PDE3A: variants seen among roughly 807,000 people sequenced by gnomAD.
The protein encoded by PDE3A is phosphodiesterase 3A.
In PDE3A, 43 loss-of-function variants were observed where a neutral mutation model predicts 98.3. The observed-to-expected ratio is 0.44, with a 90% CI of 0.34 to 0.56. The LOEUF is 0.56. Among genes scored for constraint, PDE3A ranks in the 20% least tolerant of loss-of-function variants. PDE3A has a pLI of 0.01. For missense variants in PDE3A, 1,427 were observed against 1,440.7 expected, an observed-to-expected ratio of 0.99 and a Z score of 0.15; for synonymous variants, 663 against 567.9, an observed-to-expected ratio of 1.17 and a Z score of -2.38.
intron 15 of PDE3A, among the ~76,000 whole-genome samples, chr12:20,676,815 A>C (rs1486587541): frequency 6.6e-6 from 1 of 152,172 alleles, no homozygotes; most frequent in Non-Finnish European, 1.5e-5. Flanking sequence ...GACTTTTGAA[A>C]GTTTGGCTAC....
chr12:20,561,146 AGCT>A (rs1942507512), intron 2 of PDE3A, among the ~76,000 whole-genome samples: 1 of 152,006 alleles, frequency 6.6e-6, no homozygotes, highest in Admixed American at 6.6e-5. Context: ...CTGTAGTCTC[AGCT>A]ACTCGCAAGA....
chr12:20,448,751 G>GTTTTTTTTTTT lies in PDE3A; in HGVS notation c.960+78507_960+78508insTTTTTTTTTTT, dbSNP rs1265923346. ...ACATTATTTAAAGTTTTTATTTTAA[G>GTTTTTTTTTTT]GTTTTTTTTTTTTTTTGAGATGGAG... On this transcript the variant is annotated intron_variant, in intron 1 of 15. Coordinates refer to ENST00000359062, the MANE Select transcript of PDE3A (RefSeq NM_000921.5). Among the ~76,000 whole-genome samples the GTTTTTTTTTTT allele has an allele frequency of 6.0e-4, 81 of 134,338 alleles. 1 individual carries two copies. The highest frequency in any genetic ancestry group is 1.7e-3 in the African/African-American group (66 of 37,768). 88.1% of individuals were successfully genotyped at this position (134,338 alleles called of 152,430 possible).
intron 1 of PDE3A, among the ~76,000 whole-genome samples, chr12:20,530,043 CTT>C (rs891410854): frequency 1.3e-5 from 2 of 152,122 alleles, no homozygotes; most frequent in African/African-American, 2.4e-5. Flanking sequence ...TTTTTACTGA[CTT>C]ATTTCATTTA....
chr12:20,498,971 TC>T (rs1945974097), intron 1 of PDE3A, among the ~76,000 whole-genome samples: 1 of 152,144 alleles, frequency 6.6e-6, no homozygotes, highest in African/African-American at 2.4e-5. Flanking sequence ...GGACCAATGA[TC>T]ATCTGTATGT....
intron 15 of PDE3A, among the ~76,000 whole-genome samples, chr12:20,663,226 A>G (rs1487485224): frequency 2.6e-5 from 4 of 152,218 alleles, no homozygotes; most frequent in Admixed American, 1.3e-4. Context: ...GAAGTTTGCT[A>G]CAGGGGTGGA....
In PDE3A at chr12:20,688,183, A is replaced by G. The variant is rs1325706416; in HGVS notation, c.*7912A>G. On this transcript the variant is annotated 3_prime_UTR_variant, in exon 16 of 16. Transcript: ENST00000359062. ...AACTTTGCCAAATTTTTCAACTTCT[A>G]GAAAAACAAGAGTGAGTCTTTTGAA... Among the ~76,000 whole-genome samples the G allele has an allele frequency of 6.6e-6, 1 of 151,918 alleles. No individual in the cohort carries two copies. The highest frequency in any genetic ancestry group is 1.5e-5 in the Non-Finnish European group (1 of 67,918).
chr12:20,499,174 A>T (rs1228058832), intron 1 of PDE3A, among the ~76,000 whole-genome samples: 1 of 152,178 alleles, frequency 6.6e-6, no homozygotes, highest in Admixed American at 6.6e-5. Flanking sequence ...TATATGGTAG[A>T]TTTAAGACCA....
chr12:20,551,484 G>A (rs999456223), intron 1 of PDE3A: 65 of 724,740 alleles, frequency 9.0e-5, no homozygotes, highest in Non-Finnish European at 1.4e-4. Context: ...GTGCATGGCC[G>A]TTCTTAGTTG....
intron 1 of PDE3A, among the ~76,000 whole-genome samples, chr12:20,460,073 C>T (rs959739537): frequency 3.9e-5 from 6 of 152,170 alleles, no homozygotes; most frequent in African/African-American, 1.2e-4. Flanking sequence ...TAGTCACCTA[C>T]GGTGGCTGTC....
intron 8 of PDE3A, among the ~76,000 whole-genome samples, 163 bp from the exon 9 acceptor site, chr12:20,636,937 G>C (rs559076163): frequency 6.6e-6 from 1 of 152,244 alleles, no homozygotes; most frequent in East Asian, 1.9e-4. Flanking sequence ...TGGCGTCAAT[G>C]TCTCGTTCAT....
intron 1 of PDE3A, among the ~76,000 whole-genome samples, chr12:20,428,302 C>T (rs1470679727): frequency 6.6e-6 from 1 of 152,076 alleles, no homozygotes; most frequent in African/African-American, 2.4e-5. Context: ...ATTTTTGAGA[C>T]GGAGTCTCGC....
chr12:20,614,868 A>C (rs1350895893), intron 3 of PDE3A, among the ~76,000 whole-genome samples: 1 of 152,138 alleles, frequency 6.6e-6, no homozygotes, highest in Admixed American at 6.6e-5. Context: ...GTCTTTGTGA[A>C]CTATGCCTAT....
intron 1 of PDE3A, among the ~76,000 whole-genome samples, chr12:20,549,725 T>C (rs1254606183): frequency 2.0e-5 from 3 of 152,094 alleles, no homozygotes; most frequent in Non-Finnish European, 4.4e-5. Context: ...CTTTCAAATA[T>C]AATATAAAGA....
chr12:20,392,506 CATAAATAAATAAATAA>C, intron 1 of PDE3A, among the ~76,000 whole-genome samples: 1 of 115,094 alleles, frequency 8.7e-6, no homozygotes, highest in South Asian at 3.2e-4. Flanking sequence ...GATCCTGTCT[CATAAATAAATAAATAA>C]ATAAATAAAT....
chr12:20,548,471 A>T (rs1186054889), intron 1 of PDE3A, among the ~76,000 whole-genome samples: 1 of 152,002 alleles, frequency 6.6e-6, no homozygotes, highest in Admixed American at 6.6e-5. Context: ...TTAAGTAGTT[A>T]TGTACTCTTA....
In PDE3A at chr12:20,614,005, GCAA is replaced by G. The variant is rs200949514; in HGVS notation, c.1269+318_1269+320del. 5.8e-3 allele frequency among the ~76,000 whole-genome samples: 882 copies of G among 152,144 alleles called. 4 individuals are homozygous for G. The highest frequency in any genetic ancestry group is 0.01 in the Middle Eastern group (3 of 294). The stretch of plus-strand genomic sequence containing the variant: ...GCTTTTCTAAGGTGATAAGGATATT[GCAA>G]CAACAACAACAAAACAAAGAAGGCA... On this transcript the variant is annotated intron_variant, in intron 3 of 15. Coordinates refer to ENST00000359062, the MANE Select transcript of PDE3A (RefSeq NM_000921.5).
Position 20,538,263 on chromosome 12 carries a change from TG to T in PDE3A, c.961-18393del, listed in dbSNP as rs1398567578. On this transcript the variant is annotated intron_variant, in intron 1 of 15. Transcript: ENST00000359062. ...TGACATTTTTATGGCTTCAGGATGT[TG>T]GGGTGGAGGGAATTATCTTCCCCTC... 5.9e-5 allele frequency among the ~76,000 whole-genome samples: 9 copies of T among 152,256 alleles called. 1 individual carries two copies. In the East Asian group the frequency reaches 1.7e-3, roughly 29 times the overall value.
chr12:20,428,782 A>G (rs1334954863), intron 1 of PDE3A, among the ~76,000 whole-genome samples: 1 of 152,184 alleles, frequency 6.6e-6, no homozygotes, highest in East Asian at 1.9e-4. Flanking sequence ...CTTATAAAGA[A>G]GTAGGTCAAA....
At chr12:20,656,535 C>G (rs756794244) in intron 15 of PDE3A, among the ~76,000 whole-genome samples, 5 of 152,284 alleles carry the variant, frequency 3.3e-5, no homozygotes, top group Non-Finnish European at 7.4e-5. Flanking sequence ...AAAAGACTTC[C>G]ATTAGAAAAT....
Sources: gnomAD v4.1 joint callset for allele counts (sites outside exome capture counted in the v4.1 genomes callset) on GRCh38, gnomAD v4.1.1 for gene constraint, MANE v1.5 for transcripts, NCBI Gene and HGNC (gene_info 2026-07-23, HGNC 2026-07-21) for gene names.